Variants in CFAP44 observed in about 807,000 individuals in gnomAD.
CFAP44 encodes cilia- and flagella-associated protein 44.
A neutral mutation model predicts 216.2 loss-of-function variants in CFAP44; 134 were observed. The ratio of observed to expected loss-of-function variants is 0.62; its 90% CI spans 0.54 to 0.72. The LOEUF (loss-of-function observed/expected upper bound fraction) is 0.72. Ranked by LOEUF, CFAP44 falls within the 30% of genes least tolerant of loss-of-function variation. The pLI, the probability that CFAP44 is intolerant of heterozygous loss-of-function variation, is 0.00. For missense variants in CFAP44, 2,035 were observed against 2,182.1 expected, an observed-to-expected ratio of 0.93 and a Z score of 1.34; for synonymous variants, 700 against 727.6, an observed-to-expected ratio of 0.96 and a Z score of 0.61.
intron 6 of CFAP44, among the ~76,000 whole-genome samples, chr3:113,413,207 T>C (rs2107380477): frequency 6.6e-6 from 1 of 152,320 alleles, no homozygotes; most frequent in Admixed American, 6.5e-5. Flanking sequence ...CTTTGCCCAC[T>C]TTTTGATGGA....
At chr3:113,349,513 AC>A (rs1376349728) in intron 22 of CFAP44, among the ~76,000 whole-genome samples, 3 of 152,180 alleles carry the variant, frequency 2.0e-5, no homozygotes, top group African/African-American at 7.2e-5. Context: ...CAGGCCAATC[AC>A]CTGGTAGGGC....
At position 113,326,641 on chromosome 3, in the gene CFAP44, C is replaced by G; in HGVS notation, c.4321-1G>C. 6.8e-7 allele frequency: 1 copy of G among 1,468,110 alleles called. No homozygotes were observed. The allele number at this position is 1,468,110 out of a possible 1,614,324, so 90.9% of individuals were successfully genotyped here. A position where few individuals can be genotyped will look rare whatever the true frequency, so the allele number is the denominator to read the frequency against. On this transcript the variant is annotated splice_acceptor_variant, in intron 27 of 34. Coordinates refer to ENST00000393845, the MANE Select transcript of CFAP44 (RefSeq NM_001164496.2). LOFTEE classifies it high-confidence loss of function. ...CTTTAAGAGTTTCATTTATTTTCCA[C>G]TAAATGAATAAAAACAAGGACAAAT...
rs775168907 is a variant in CFAP44 at position 113,396,594 on chromosome 3, T to C, written c.1703A>G (p.Lys568Arg). 1 of 1,614,124 alleles carries C rather than the reference T, an allele frequency of 6.2e-7. No homozygotes were observed. Among genetic ancestry groups the C allele is most frequent in the South Asian group, 1.1e-5 (1 of 91,084 alleles). ...AGCAGTATGGGGTTTGAAAACCTGT[T>C]TCAACTGAATATCAGCATCCAAAAT... ...KKILDADIQL[K>R]QVFKPHTACV... The change falls in exon 14 of 35, where the codon AAA becomes AGA. Residue 568 changes from lysine (K) to arginine (R), a missense_variant. This residue lies in a region of CFAP44 where 1,883 missense variants were observed against 2,023.7 expected (regional missense o/e 0.93). Coordinates refer to ENST00000393845, the MANE Select transcript of CFAP44 (RefSeq NM_001164496.2).
chr3:113,404,266 G>A (rs1277152775), intron 8 of CFAP44, among the ~76,000 whole-genome samples: 1 of 152,120 alleles, frequency 6.6e-6, no homozygotes, highest in Non-Finnish European at 1.5e-5. Flanking sequence ...TATGTTGTTG[G>A]TAATTGTTCA....
intron 2 of CFAP44, 57 bp from the exon 3 acceptor site, chr3:113,427,396 A>G: frequency 2.9e-6 from 4 of 1,362,424 alleles, no homozygotes; most frequent in Non-Finnish European, 4.0e-6. Flanking sequence ...TCTTATTTCT[A>G]AAGTAGCTAA....
intron 15 of CFAP44, among the ~76,000 whole-genome samples, chr3:113,381,813 T>C (rs1397283376): frequency 1.3e-5 from 2 of 152,146 alleles, no homozygotes; most frequent in Non-Finnish European, 1.5e-5. Flanking sequence ...AAATTTATAA[T>C]AAGAAAAACA....
At chr3:113,313,500 G>A (rs1449295007) in intron 28 of CFAP44, among the ~76,000 whole-genome samples, 2 of 152,074 alleles carry the variant, frequency 1.3e-5, no homozygotes, top group African/African-American at 2.4e-5. Flanking sequence ...GGGAAGGCAC[G>A]ACTGGTTTTG....
chr3:113,340,907 G>A (rs1333609807), intron 24 of CFAP44, among the ~76,000 whole-genome samples: 5 of 152,226 alleles, frequency 3.3e-5, no homozygotes, highest in Non-Finnish European at 7.3e-5. Flanking sequence ...ACCAATGGGA[G>A]AACCAGAAGG....
In CFAP44 at chr3:113,361,498, G is replaced by GTT. The variant is rs201963188; in HGVS notation, c.2934+1645_2934+1646dup. 8.7e-5 allele frequency among the ~76,000 whole-genome samples: 12 copies of GTT among 137,848 alleles called. No individual in the cohort carries two copies. The South Asian group carries it at 2.1e-3, about 24-fold the overall frequency. 90.4% of individuals were successfully genotyped at this position (137,848 alleles called of 152,430 possible). ...ATATTGTAGAATAAAGACCTGTTTTGTTTTTTTTTTTTTTGAGATGGAGTC... is the reference window on the plus strand; with the variant it reads ...ATATTGTAGAATAAAGACCTGTTTTGTTTTTTTTTTTTTTTTGAGATGGAGTC... On this transcript the variant is annotated intron_variant, in intron 21 of 34. Coordinates refer to ENST00000393845, the MANE Select transcript of CFAP44 (RefSeq NM_001164496.2).
chr3:113,293,276 T>C (rs1949848753), intron 34 of CFAP44, among the ~76,000 whole-genome samples: 1 of 152,200 alleles, frequency 6.6e-6, no homozygotes, highest in Non-Finnish European at 1.5e-5. Flanking sequence ...ATTTTTGTTG[T>C]CACCAACTAT....
rs778943334 is a variant in CFAP44, at chr3:113,409,115, C to A, written c.881G>T (p.Gly294Val). ...KEEQLTTSGS[G>V]HIKFWEMAFT... ...TGGTTACCCAACCTACTTGATGTGGCCTGATCCCGATGTAGTAAGCTGCTC... is the reference window on the plus strand; with the variant it reads ...TGGTTACCCAACCTACTTGATGTGGACTGATCCCGATGTAGTAAGCTGCTC... The change falls in exon 7 of 35, where the codon GGC (glycine) becomes GTC (valine). Residue 294 changes from glycine (G) to valine (V), a missense_variant. By Grantham distance (109) the Gly-to-Val change is moderately radical. Around this residue, in one of 3 missense-constraint regions of CFAP44, gnomAD observed 1,883 missense variants for 2,023.7 expected, o/e 0.93. Transcript: ENST00000393845. 6.2e-7 allele frequency: 1 copy of A among 1,611,110 alleles called. No homozygotes were observed. Among genetic ancestry groups the A allele is most frequent in the South Asian group, 1.1e-5 (1 of 90,982 alleles).
chr3:113,419,520 T>C (rs1289883835), intron 5 of CFAP44, among the ~76,000 whole-genome samples: 4 of 152,210 alleles, frequency 2.6e-5, no homozygotes, highest in Non-Finnish European at 5.9e-5. Flanking sequence ...TATATATAGA[T>C]AGATGATCAA....
intron 22 of CFAP44, among the ~76,000 whole-genome samples, chr3:113,345,364 T>C (rs944349692): frequency 9.9e-5 from 15 of 152,092 alleles, no homozygotes; most frequent in African/African-American, 3.4e-4. Context: ...AAAATACATT[T>C]TGTTTTCTTA....
rs1030648403 is a variant in CFAP44, at chr3:113,402,378, G to A, written c.1171-639C>T. ...GTGAGACAGTGAAGTGTAGATTGTTGTTCATTGGGAGAGGAGTCTAGAATA... is the reference window on the plus strand; with the variant it reads ...GTGAGACAGTGAAGTGTAGATTGTTATTCATTGGGAGAGGAGTCTAGAATA... On this transcript the variant is annotated intron_variant, in intron 9 of 34. Coordinates refer to ENST00000393845, the MANE Select transcript of CFAP44 (RefSeq NM_001164496.2). 2.0e-5 allele frequency among the ~76,000 whole-genome samples: 3 copies of A among 152,120 alleles called. 1 individual carries two copies. The highest frequency in any genetic ancestry group is 7.2e-5 in the African/African-American group (3 of 41,432).
chr3:113,328,461 C>G (rs561746852), intron 26 of CFAP44, among the ~76,000 whole-genome samples: 22 of 150,822 alleles, frequency 1.5e-4, no homozygotes, highest in African/African-American at 5.3e-4. Context: ...AGCTTTCCCC[C>G]CCAGTATCAC....
At chr3:113,378,874 T>C (rs1933425873) in intron 17 of CFAP44, among the ~76,000 whole-genome samples, 1 of 152,136 alleles carries the variant, frequency 6.6e-6, no homozygotes, top group South Asian at 2.1e-4. Flanking sequence ...TTGTAGATAA[T>C]GAGAAGTAAG....
chr3:113,421,611 A>C (rs1934816792), intron 4 of CFAP44, among the ~76,000 whole-genome samples: 1 of 152,262 alleles, frequency 6.6e-6, no homozygotes, highest in African/African-American at 2.4e-5. Flanking sequence ...GGTGCACTGG[A>C]TAACGAAAAT....
intron 4 of CFAP44, among the ~76,000 whole-genome samples, chr3:113,423,639 T>C (rs949488238): frequency 6.6e-6 from 1 of 152,234 alleles, no homozygotes; most frequent in Non-Finnish European, 1.5e-5. Context: ...CACTTTAAAA[T>C]TGTTTAAACA....
intron 3 of CFAP44, 61 bp from the exon 4 acceptor site, chr3:113,426,338 T>G: frequency 2.6e-6 from 4 of 1,555,602 alleles, no homozygotes; most frequent in Non-Finnish European, 3.5e-6. Flanking sequence ...CACCCAAATC[T>G]CAACTTGAAT....
Sources: allele counts gnomAD v4.1 joint callset (sites outside exome capture counted in the v4.1 genomes callset), GRCh38; gene constraint gnomAD v4.1.1; regional missense constraint gnomAD v4.1.1; transcripts MANE v1.5; gene names NCBI Gene and HGNC (gene_info 2026-07-23, HGNC 2026-07-21).